Variants in CHCHD6 observed in about 807,000 individuals in gnomAD.
The protein encoded by CHCHD6 is coiled-coil-helix-coiled-coil-helix domain containing 6.
CHCHD6 carries 28 observed loss-of-function variants against 32.3 expected under a neutral mutation model. The ratio of observed to expected loss-of-function variants is 0.87; its 90% CI spans 0.64 to 1.19. CHCHD6 has a LOEUF of 1.19. Ranked by LOEUF, CHCHD6 falls within the 50% of genes most tolerant of loss-of-function variation. The probability of loss-of-function intolerance (pLI) is 0.00; values close to 1 mark genes in which losing one functional copy is unlikely to be tolerated. For missense variants in CHCHD6, 333 were observed against 307.0 expected, an observed-to-expected ratio of 1.08 and a Z score of -0.63; for synonymous variants, 122 against 117.5, an observed-to-expected ratio of 1.04 and a Z score of -0.25.
chr3:126,827,440 A>G (rs902165203), intron 4 of CHCHD6, among the ~76,000 whole-genome samples: 6 of 152,306 alleles, frequency 3.9e-5, no homozygotes, highest in Middle Eastern at 3.4e-3. Context: ...AAAAGTCCAC[A>G]TGAGGTTGCC....
intron 5 of CHCHD6, among the ~76,000 whole-genome samples, chr3:126,908,149 T>G (rs1353167846): frequency 6.6e-6 from 1 of 152,222 alleles, no homozygotes; most frequent in Non-Finnish European, 1.5e-5. Context: ...TATCACTGTT[T>G]GATTGGAGTT....
chr3:126,757,070 T>G (rs913681016), intron 4 of CHCHD6, among the ~76,000 whole-genome samples: 1 of 152,220 alleles, frequency 6.6e-6, no homozygotes, highest in African/African-American at 2.4e-5. Flanking sequence ...TTTGTTTTTC[T>G]TGATAAAATC....
chr3:126,800,180 C>A (rs145521723), intron 4 of CHCHD6, among the ~76,000 whole-genome samples: 30 of 152,202 alleles, frequency 2.0e-4, no homozygotes, highest in Non-Finnish European at 5.9e-5. Flanking sequence ...AGATAAGTTT[C>A]TAGGAAAGAT....
intron 4 of CHCHD6, among the ~76,000 whole-genome samples, chr3:126,811,907 C>T (rs986096881): frequency 2.6e-5 from 4 of 152,136 alleles, no homozygotes; most frequent in Non-Finnish European, 5.9e-5. Context: ...GATTAATCTG[C>T]CAAAATTTGT....
intron 2 of CHCHD6, among the ~76,000 whole-genome samples, chr3:126,729,213 A>G (rs2107657669): frequency 6.6e-6 from 1 of 152,352 alleles, no homozygotes. Context: ...GTTAGGGAAA[A>G]TATAACATTT....
At chr3:126,842,458 A>G (rs1378249416) in intron 4 of CHCHD6, among the ~76,000 whole-genome samples, 1 of 152,234 alleles carries the variant, frequency 6.6e-6, no homozygotes, top group African/African-American at 2.4e-5. Context: ...ACATTGTCAA[A>G]GCACACAGCT....
intron 4 of CHCHD6, among the ~76,000 whole-genome samples, chr3:126,758,577 T>C (rs1431557213): frequency 7.9e-5 from 12 of 152,250 alleles, no homozygotes; most frequent in Admixed American, 6.5e-4. Flanking sequence ...GGCTGACTTT[T>C]GTTCTTTTAA....
At chr3:126,855,757 C>T (rs1302726711) in intron 5 of CHCHD6, among the ~76,000 whole-genome samples, 1 of 152,102 alleles carries the variant, frequency 6.6e-6, no homozygotes, top group Non-Finnish European at 1.5e-5. Flanking sequence ...CATCTTTGCA[C>T]GGGACCCCTA....
At chr3:126,769,974 G>A (rs1937515123) in intron 4 of CHCHD6, among the ~76,000 whole-genome samples, 1 of 152,080 alleles carries the variant, frequency 6.6e-6, no homozygotes, top group Non-Finnish European at 1.5e-5. Context: ...AGCATAGAAT[G>A]TTTTTCCATT....
intron 1 of CHCHD6, among the ~76,000 whole-genome samples, chr3:126,721,645 G>A (rs1935299828): frequency 6.6e-6 from 1 of 152,068 alleles, no homozygotes; most frequent in African/African-American, 2.4e-5. Context: ...ATAGTTTTTA[G>A]TGTATTCACA....
intron 4 of CHCHD6, among the ~76,000 whole-genome samples, chr3:126,795,727 C>G (rs1938761528): frequency 6.6e-6 from 1 of 152,150 alleles, no homozygotes; most frequent in Non-Finnish European, 1.5e-5. Flanking sequence ...TCAGTATTAC[C>G]TGGTGAGTAG....
chr3:126,785,616 T>A (rs1281766654), intron 4 of CHCHD6, among the ~76,000 whole-genome samples: 4 of 152,338 alleles, frequency 2.6e-5, no homozygotes, highest in Non-Finnish European at 5.9e-5. Flanking sequence ...AATATAAAAT[T>A]AACCATCTTA....
intron 3 of CHCHD6, among the ~76,000 whole-genome samples, chr3:126,731,810 C>T (rs780422136): frequency 6.6e-6 from 1 of 152,100 alleles, no homozygotes; most frequent in Non-Finnish European, 1.5e-5. Flanking sequence ...TGTGGTGGCT[C>T]AATCCTGTAA....
rs139519887 is a variant in CHCHD6, at chr3:126,812,694, A to C, written c.412-39953A>C. Among the ~76,000 whole-genome samples, 697 of 151,850 alleles carry C rather than the reference A, an allele frequency of 4.6e-3. 5 individuals are homozygous for C. The highest frequency in any genetic ancestry group is 0.016 in the African/African-American group (665 of 41,390). ...TAATCTGCCTACCTCAGCCTCCCAC[A>C]GTGCTGGGATTACAAGCATGAGCCA... On this transcript the variant is annotated intron_variant, in intron 4 of 7. Coordinates refer to ENST00000290913, the MANE Select transcript of CHCHD6 (RefSeq NM_032343.3).
rs1576368182 is a variant in CHCHD6, at chr3:126,747,972, C to A, written c.411+14750C>A. Among the ~76,000 whole-genome samples the A allele has an allele frequency of 2.0e-5, 3 of 152,250 alleles. No homozygotes were observed. In the South Asian group the frequency reaches 6.2e-4, roughly 32 times the overall value. On this transcript the variant is annotated intron_variant, in intron 4 of 7. Coordinates refer to ENST00000290913, the MANE Select transcript of CHCHD6 (RefSeq NM_032343.3). ...GTCCTCTTGCTGCGCTCCAGCAGCA[C>A]CCTCCTGTGCCCTCCCCACATCCAC...
chr3:126,870,440 G>A (rs962839743), intron 5 of CHCHD6, among the ~76,000 whole-genome samples: 4 of 152,108 alleles, frequency 2.6e-5, no homozygotes, highest in African/African-American at 4.8e-5. Flanking sequence ...CCCCTTAACC[G>A]TTCTCCCAGT....
chr3:126,838,892 CT>C (rs1217788517), intron 4 of CHCHD6, among the ~76,000 whole-genome samples: 2,870 of 139,438 alleles, frequency 0.021, 21 homozygotes, highest in Middle Eastern at 0.056. Flanking sequence ...TTCTTTTTTC[CT>C]TTTTTTTTTT....
intron 5 of CHCHD6, among the ~76,000 whole-genome samples, chr3:126,885,316 C>G (rs1014458475): frequency 6.6e-6 from 1 of 152,188 alleles, no homozygotes; most frequent in African/African-American, 2.4e-5. Flanking sequence ...TTGTGACTTT[C>G]AGATATGGAG....
chr3:126,795,022 C>G (rs1314666979), intron 4 of CHCHD6, among the ~76,000 whole-genome samples: 1 of 152,016 alleles, frequency 6.6e-6, no homozygotes, highest in South Asian at 2.1e-4. Flanking sequence ...AAAATATTCT[C>G]CTAGACATTT....
Sources: gnomAD v4.1 joint callset for allele counts (sites outside exome capture counted in the v4.1 genomes callset) on GRCh38, gnomAD v4.1.1 for gene constraint, MANE v1.5 for transcripts, NCBI Gene and HGNC (gene_info 2026-07-23, HGNC 2026-07-21) for gene names.